The following PCTP variants were observed in gnomAD, a reference collection of about 807,000 sequenced individuals.
The protein encoded by PCTP is phosphatidylcholine transfer protein, also known as START domain-containing protein 2.
In PCTP, 27 loss-of-function variants were observed where a neutral mutation model predicts 31.0. The ratio of observed to expected loss-of-function variants is 0.87; its 90% confidence interval spans 0.64 to 1.20. PCTP has a LOEUF of 1.20. PCTP is among the 50% of genes most tolerant of loss of function. PCTP has a pLI of 0.00. For synonymous variants in PCTP, 108 were observed against 101.2 expected (o/e 1.07, Z -0.40); for missense variants, 287 against 268.2 (o/e 1.07, Z -0.49).
intron 1 of PCTP, among the ~76,000 whole-genome samples, chr17:55,761,595 A>G (rs1910342158): frequency 6.8e-6 from 1 of 148,128 alleles, no homozygotes; most frequent in Non-Finnish European, 1.5e-5. Flanking sequence ...TTCTATATAT[A>G]ACATTATATT....
intron 1 of PCTP, among the ~76,000 whole-genome samples, chr17:55,758,814 C>T (rs1169463058): frequency 6.6e-6 from 1 of 152,164 alleles, no homozygotes; most frequent in Non-Finnish European, 1.5e-5. Context: ...GGGTATGAGG[C>T]CATGCGAGAA....
intron 3 of PCTP, among the ~76,000 whole-genome samples, chr17:55,811,673 G>A (rs1033764566): frequency 2.0e-5 from 3 of 152,232 alleles, no homozygotes; most frequent in African/African-American, 7.2e-5. Context: ...CAGCTGGGAT[G>A]TCGTCACTGT....
At chr17:55,832,447 A>G (rs538499613) in intron 5 of PCTP, among the ~76,000 whole-genome samples, 8 of 152,272 alleles carry the variant, frequency 5.3e-5, no homozygotes, top group Non-Finnish European at 1.2e-4. Context: ...CAGATAGCAA[A>G]TTGTTCTTCT....
rs532643296 is a variant in PCTP at position 55,774,927 on chromosome 17, C to G, written c.579+68C>G. ...GTGTTTGACAAATGTTGACTTAGCC[C>G]GCGGGGCTGTCAGGCTGAAGAGACA... On this transcript the variant is annotated intron_variant, in intron 5 of 5. Transcript: ENST00000268896. 2.7e-6 allele frequency: 4 copies of G among 1,484,322 alleles called. No individual in the cohort carries two copies. In the Admixed American group the frequency reaches 5.0e-5, roughly 19 times the overall value. 91.9% of individuals were successfully genotyped at this position (1,484,322 alleles called of 1,614,324 possible).
downstream of PCTP, among the ~76,000 whole-genome samples, chr17:55,778,166 A>G (rs1439208444): frequency 6.7e-6 from 1 of 149,856 alleles, no homozygotes; most frequent in Non-Finnish European, 1.5e-5. Context: ...AGCTGAGGTT[A>G]TGTAGGAAAC....
intron 5 of PCTP, chr17:55,775,311 G>T: frequency 8.1e-7 from 1 of 1,235,278 alleles, no homozygotes; most frequent in East Asian, 3.1e-5. Flanking sequence ...TCTCTATAAG[G>T]GAGGGAACTG....
intron 3 of PCTP, among the ~76,000 whole-genome samples, chr17:55,790,915 C>T (rs1391793324): frequency 1.3e-5 from 2 of 151,162 alleles, no homozygotes; most frequent in Non-Finnish European, 2.9e-5. Flanking sequence ...TACTACAAGG[C>T]TACAGTAACC....
downstream of PCTP, among the ~76,000 whole-genome samples, chr17:55,780,670 T>C (rs1911532978): frequency 6.6e-6 from 1 of 152,216 alleles, no homozygotes; most frequent in African/African-American, 2.4e-5. Flanking sequence ...GCTTAGTTGT[T>C]GTGTTATTGT....
chr17:55,827,910 C>T (rs1251233343), downstream of PCTP, among the ~76,000 whole-genome samples: 1 of 152,102 alleles, frequency 6.6e-6, no homozygotes, highest in Non-Finnish European at 1.5e-5. Flanking sequence ...GATGCAGGTC[C>T]TGTAAAACCA....
At chr17:55,841,937 A>G (rs1194937509) in intron 5 of PCTP, among the ~76,000 whole-genome samples, 3 of 152,240 alleles carry the variant, frequency 2.0e-5, no homozygotes, top group Non-Finnish European at 2.9e-5. Context: ...CTATTTACCT[A>G]TCTAGCTAAT....
intron 3 of PCTP, among the ~76,000 whole-genome samples, chr17:55,810,837 G>A (rs2145045012): frequency 6.6e-6 from 1 of 152,320 alleles, no homozygotes; most frequent in South Asian, 2.1e-4. Flanking sequence ...CAATAGCTGG[G>A]CAGTGAGAGT....
intron 3 of PCTP, among the ~76,000 whole-genome samples, chr17:55,819,644 A>G (rs1346127111): frequency 6.6e-6 from 1 of 152,154 alleles, no homozygotes; most frequent in Non-Finnish European, 1.5e-5. Context: ...TGTCCTGGCT[A>G]CTTGGGAGGC....
Position 55,776,947 on chromosome 17 carries a change from G to T in PCTP, c.*847G>T. ...CAAAAGCAAAGATGCTTTGTGCATA[G>T]CCTTGTGAAAAAGTATCTTTCTATG... On this transcript the variant is annotated 3_prime_UTR_variant, in exon 6 of 6. Transcript: ENST00000268896. The T allele has an allele frequency of 1.0e-6, 1 of 986,528 alleles. No individual in the cohort carries two copies. The highest frequency in any genetic ancestry group is 1.2e-6 in the Non-Finnish European group (1 of 830,724). 61.1% of individuals were successfully genotyped at this position (986,528 alleles called of 1,614,324 possible).
intron 2 of PCTP, among the ~76,000 whole-genome samples, chr17:55,784,112 C>G (rs990754889): frequency 2.0e-5 from 3 of 152,150 alleles, no homozygotes; most frequent in African/African-American, 7.2e-5. Context: ...GGCCACTCAC[C>G]CCGTCTGACA....
chr17:55,775,747 GT>G (rs1911292985), intron 5 of PCTP: 1 of 1,260,530 alleles, frequency 7.9e-7, no homozygotes, highest in Non-Finnish European at 9.9e-7. Flanking sequence ...CATTTCTTGT[GT>G]TTTCTTTTTT....
chr17:55,797,079 G>C (rs571140772), intron 3 of PCTP, among the ~76,000 whole-genome samples: 1 of 151,996 alleles, frequency 6.6e-6, no homozygotes, highest in Non-Finnish European at 1.5e-5. Flanking sequence ...CACATTTCCA[G>C]AAAGAATATT....
intron 5 of PCTP, chr17:55,842,602 C>T (rs1466958674): frequency 1.3e-5 from 2 of 152,140 alleles, no homozygotes; most frequent in African/African-American, 2.4e-5. Context: ...AGAAATTGGA[C>T]AATTTATGGT....
chr17:55,840,283 A>G (rs1219836225), intron 5 of PCTP, among the ~76,000 whole-genome samples: 1 of 152,220 alleles, frequency 6.6e-6, no homozygotes, highest in Non-Finnish European at 1.5e-5. Flanking sequence ...ATAGCAACAC[A>G]CTCATCACAT....
chr17:55,829,884 G>A (rs1163201527), intron 5 of PCTP, among the ~76,000 whole-genome samples: 1 of 152,168 alleles, frequency 6.6e-6, no homozygotes, highest in Non-Finnish European at 1.5e-5. Context: ...AAAGGGCCAT[G>A]AGTCATGGGG....
Sources: gnomAD v4.1 joint callset for allele counts (sites outside exome capture counted in the v4.1 genomes callset) on GRCh38, gnomAD v4.1.1 for gene constraint, MANE v1.5 for transcripts, NCBI Gene and HGNC (gene_info 2026-07-23, HGNC 2026-07-21) for gene names.